The following NRG1 variants were observed in gnomAD, a reference collection of about 807,000 sequenced individuals.
The protein encoded by NRG1 is neuregulin 1.
In NRG1, 18 loss-of-function variants were observed where a neutral mutation model predicts 63.8. The observed-to-expected ratio is 0.28, with a 90% confidence interval of 0.19 to 0.42. NRG1 has a LOEUF of 0.42. Ranked by LOEUF, NRG1 falls within the 10% of genes least tolerant of loss-of-function variation. NRG1 has a pLI of 1.00. For synonymous variants in NRG1, 302 were observed against 301.3 expected, an observed-to-expected ratio of 1.00 and a Z score of -0.02; for missense variants, 762 against 814.7, an observed-to-expected ratio of 0.94 and a Z score of 0.79.
chr8:31,725,208 G>A (rs1199484598), intron 1 of NRG1, among the ~76,000 whole-genome samples: 1 of 152,148 alleles, frequency 6.6e-6, no homozygotes, highest in Non-Finnish European at 1.5e-5. Flanking sequence ...CTATGAAACA[G>A]TTCCAAGTAT....
intron 1 of NRG1, among the ~76,000 whole-genome samples, chr8:32,405,429 A>G (rs186011633): frequency 5.9e-5 from 9 of 152,218 alleles, no homozygotes; most frequent in African/African-American, 2.2e-4. Flanking sequence ...CTTTGCAACT[A>G]AAGCCTTCCA....
At chr8:32,388,299 A>T (rs1325819729) in intron 1 of NRG1, among the ~76,000 whole-genome samples, 3 of 152,202 alleles carry the variant, frequency 2.0e-5, no homozygotes, top group Non-Finnish European at 4.4e-5. Flanking sequence ...TTGGACAAAG[A>T]TCTGATCTAG....
chr8:32,223,519 T>C (rs1846031243), intron 1 of NRG1, among the ~76,000 whole-genome samples: 1 of 152,154 alleles, frequency 6.6e-6, no homozygotes, highest in Non-Finnish European at 1.5e-5. Flanking sequence ...TGGTTGAAAA[T>C]AGAGACAGTA....
At chr8:32,662,550 T>C (rs926500607) in intron 5 of NRG1, among the ~76,000 whole-genome samples, 10 of 152,072 alleles carry the variant, frequency 6.6e-5, no homozygotes, top group African/African-American at 2.4e-4. Flanking sequence ...GTGTTGAGAA[T>C]AGCTTGTGGA....
intron 1 of NRG1, among the ~76,000 whole-genome samples, chr8:32,011,517 C>T (rs1814759382): frequency 6.6e-6 from 1 of 152,070 alleles, no homozygotes; most frequent in Non-Finnish European, 1.5e-5. Context: ...CTTTAATCCG[C>T]TCTTTTCTGT....
chr8:32,206,959 C>T (rs1441624135), intron 1 of NRG1, among the ~76,000 whole-genome samples: 2 of 152,120 alleles, frequency 1.3e-5, no homozygotes, highest in African/African-American at 2.4e-5. Context: ...AAAATTATGC[C>T]TGACTAAAAT....
At chr8:32,025,527 C>T (rs1348567290) in intron 1 of NRG1, among the ~76,000 whole-genome samples, 1 of 152,010 alleles carries the variant, frequency 6.6e-6, no homozygotes, top group Non-Finnish European at 1.5e-5. Context: ...AACTATTGAC[C>T]TCAAATAAAT....
intron 1 of NRG1, among the ~76,000 whole-genome samples, chr8:31,641,165 G>A (rs886616636): frequency 4.6e-5 from 7 of 152,114 alleles, no homozygotes; most frequent in African/African-American, 1.7e-4. Flanking sequence ...AGATGGTTAG[G>A]GGTTTGCTTC....
chr8:32,724,407 C>T (rs753558669), intron 5 of NRG1, among the ~76,000 whole-genome samples: 2 of 152,036 alleles, frequency 1.3e-5, no homozygotes, highest in Non-Finnish European at 2.9e-5. Context: ...TCCTCCCAGC[C>T]CCCCCAGAAA....
At chr8:32,221,834 CAT>C (rs777212800) in intron 1 of NRG1, among the ~76,000 whole-genome samples, 17 of 151,956 alleles carry the variant, frequency 1.1e-4, no homozygotes, top group Non-Finnish European at 2.4e-4. Flanking sequence ...AAAAATTGAA[CAT>C]ATATCTTTAT....
At chr8:32,735,665 C>T (rs1824844552) in intron 6 of NRG1, among the ~76,000 whole-genome samples, 2 of 151,996 alleles carry the variant, frequency 1.3e-5, no homozygotes, top group Non-Finnish European at 2.9e-5. Flanking sequence ...TAGATTGATC[C>T]CACATCCAAT....
chr8:32,511,738 T>G (rs997654279), intron 1 of NRG1, among the ~76,000 whole-genome samples: 1 of 152,156 alleles, frequency 6.6e-6, no homozygotes, highest in African/African-American at 2.4e-5. Flanking sequence ...CAATAAGAAC[T>G]CTTTATTAAT....
intron 5 of NRG1, among the ~76,000 whole-genome samples, chr8:32,711,668 T>G (rs2128983871): frequency 6.6e-6 from 1 of 152,260 alleles, no homozygotes; most frequent in East Asian, 1.9e-4. Flanking sequence ...ACACCTCCAT[T>G]TTTGCAATTA....
At chr8:31,998,366 A>G (rs550887343) in intron 1 of NRG1, among the ~76,000 whole-genome samples, 2 of 152,020 alleles carry the variant, frequency 1.3e-5, no homozygotes, top group Non-Finnish European at 2.9e-5. Flanking sequence ...GAAGCTGAAA[A>G]TCTATCAAAA....
chr8:32,058,215 G>C (rs951403042), intron 1 of NRG1, among the ~76,000 whole-genome samples: 13 of 151,888 alleles, frequency 8.6e-5, no homozygotes, highest in Admixed American at 8.5e-4. Flanking sequence ...ATTTTATAGG[G>C]AAAGAAGAAG....
chr8:31,818,886 T>G (rs1823720294), intron 1 of NRG1, among the ~76,000 whole-genome samples: 1 of 152,030 alleles, frequency 6.6e-6, no homozygotes, highest in Non-Finnish European at 1.5e-5. Flanking sequence ...TGAAACCCTG[T>G]CTCTACTAAA....
intron 1 of NRG1, among the ~76,000 whole-genome samples, chr8:32,301,568 T>C (rs892630404): frequency 6.6e-6 from 1 of 152,142 alleles, no homozygotes; most frequent in Non-Finnish European, 1.5e-5. Context: ...ACTGGACAAT[T>C]TACAAAAGAA....
At chr8:31,899,556 A>G (rs1831895057) in intron 1 of NRG1, among the ~76,000 whole-genome samples, 1 of 152,168 alleles carries the variant, frequency 6.6e-6, no homozygotes, top group Admixed American at 6.5e-5. Context: ...ACTTATTATT[A>G]TCATTTCTTA....
intron 1 of NRG1, among the ~76,000 whole-genome samples, chr8:32,565,240 A>G (rs778375141): frequency 7.9e-5 from 12 of 152,082 alleles, no homozygotes; most frequent in Non-Finnish European, 1.6e-4. Flanking sequence ...ATTCTTCTCC[A>G]TATCTCTTAA....
Sources: allele counts gnomAD v4.1 joint callset (sites outside exome capture counted in the v4.1 genomes callset), GRCh38; gene constraint gnomAD v4.1.1; transcripts MANE v1.5; gene names NCBI Gene and HGNC (gene_info 2026-07-23, HGNC 2026-07-21).